SLC38A6: variants seen among roughly 807,000 people sequenced by gnomAD.
The protein encoded by SLC38A6 is N system amino acid transporter NAT-1.
Under a neutral mutation model 65.0 loss-of-function variants are expected in SLC38A6, and 73 were observed. That is an observed-to-expected ratio of 1.12 (90% confidence interval 0.93 to 1.37). The LOEUF (loss-of-function observed/expected upper bound fraction) is 1.37, where lower values mean the gene tolerates loss of function less well. SLC38A6 is among the 40% of genes most tolerant of loss of function. The pLI is 0.00. For missense variants in SLC38A6, 561 were observed against 531.1 expected, an observed-to-expected ratio of 1.06 and a Z score of -0.55; for synonymous variants, 183 against 178.8, an observed-to-expected ratio of 1.02 and a Z score of -0.19.
intron 5 of SLC38A6, among the ~76,000 whole-genome samples, chr14:61,024,175 G>A (rs2040491213): frequency 6.6e-6 from 1 of 152,056 alleles, no homozygotes; most frequent in Non-Finnish European, 1.5e-5. Flanking sequence ...CTCTAGTGTG[G>A]TCTGACAAAT....
At chr14:61,018,787 A>G (rs1169482968) in intron 4 of SLC38A6, among the ~76,000 whole-genome samples, 3 of 152,180 alleles carry the variant, frequency 2.0e-5, no homozygotes, top group African/African-American at 7.2e-5. Context: ...TTTTATTTTT[A>G]ACTGATTACC....
chr14:60,985,535 G>C (rs1156646333), intron 3 of SLC38A6, among the ~76,000 whole-genome samples: 1 of 152,000 alleles, frequency 6.6e-6, no homozygotes, highest in East Asian at 1.9e-4. Context: ...TTTTGTCTTT[G>C]GATTAGGTCA....
intron 5 of SLC38A6, among the ~76,000 whole-genome samples, chr14:61,020,399 G>C (rs1476608785): frequency 6.6e-6 from 1 of 152,092 alleles, no homozygotes; most frequent in Non-Finnish European, 1.5e-5. Context: ...TTTTTTACAT[G>C]TAACAGTTTA....
At chr14:61,024,117 C>T (rs537010973) in intron 5 of SLC38A6, among the ~76,000 whole-genome samples, 31 of 152,182 alleles carry the variant, frequency 2.0e-4, no homozygotes, top group African/African-American at 5.8e-4. Context: ...CACAGAAAAT[C>T]GTTTTTCTCC....
intron 2 of SLC38A6, among the ~76,000 whole-genome samples, chr14:60,983,637 T>G (rs936205869): frequency 7.2e-5 from 11 of 152,254 alleles, no homozygotes; most frequent in Non-Finnish European, 1.0e-4. Flanking sequence ...TTTATGTTTA[T>G]TTCCTGCTTT....
chr14:61,047,621 T>G (rs980946981), intron 12 of SLC38A6, among the ~76,000 whole-genome samples: 2 of 152,106 alleles, frequency 1.3e-5, no homozygotes, highest in Non-Finnish European at 2.9e-5. Context: ...AGGTGATCTT[T>G]TAGAAAAATA....
chr14:61,039,157 T>G (rs2041613283), intron 8 of SLC38A6, among the ~76,000 whole-genome samples: 1 of 152,212 alleles, frequency 6.6e-6, no homozygotes, highest in African/African-American at 2.4e-5. Flanking sequence ...TAGTTTTGTT[T>G]CTGTCATGAC....
At position 61,021,456 on chromosome 14, in the gene SLC38A6, A is replaced by G. The variant is rs139794549; in HGVS notation, c.403+1876A>G. ...GTTTTCTTATTCGGAGTACCCTTGT[A>G]ACTAAGCTGTGTGATAATGAGGATG... On this transcript the variant is annotated intron_variant, in intron 5 of 15. Coordinates refer to ENST00000267488, the MANE Select transcript of SLC38A6 (RefSeq NM_153811.3). 1.5e-4 allele frequency among the ~76,000 whole-genome samples: 23 copies of G among 152,260 alleles called. No individual in the cohort carries two copies. In the East Asian group the frequency reaches 4.4e-3, roughly 29 times the overall value.
intron 6 of SLC38A6, 75 bp from the exon 7 acceptor site, chr14:61,036,960 CTGTGTGTGTGTGTGTGTGTGTGTG>C (rs34977105): frequency 3.6e-4 from 156 of 438,362 alleles, no homozygotes; most frequent in Non-Finnish European, 5.9e-4. Flanking sequence ...GGTTATAACT[CTGTGTGTGTGTGTGTGTGTGTGTG>C]TGTGTGTGTG....
chr14:61,065,970 CTG>C lies in SLC38A6; in HGVS notation c.1291-12839_1291-12838del, dbSNP rs370154876. 4.3e-3 allele frequency among the ~76,000 whole-genome samples: 649 copies of C among 152,224 alleles called. 10 individuals carry two copies. Among genetic ancestry groups the C allele is most frequent in the African/African-American group, 0.014 (582 of 41,542 alleles). ...GATGCTAGAAACAGAGGGACTCAAA[CTG>C]AATTAATTTTAACCTGTTTTTCTTT... On this transcript the variant is annotated intron_variant, in intron 15 of 16. Coordinates refer to the SLC38A6 transcript ENST00000354886.
chr14:61,063,595 A>G (rs1256980182), intron 15 of SLC38A6, among the ~76,000 whole-genome samples: 2 of 152,200 alleles, frequency 1.3e-5, no homozygotes, highest in Non-Finnish European at 1.5e-5. Flanking sequence ...AATTGCATGC[A>G]AAGTGCCGGT....
At chr14:61,011,830 G>A (rs1001305928) in intron 3 of SLC38A6, among the ~76,000 whole-genome samples, 2 of 152,100 alleles carry the variant, frequency 1.3e-5, no homozygotes, top group Non-Finnish European at 2.9e-5. Context: ...CAGGGATATT[G>A]GTCTAAAATT....
At chr14:61,047,974 GATACATACATAC>G (rs201975441) in intron 12 of SLC38A6, among the ~76,000 whole-genome samples, 24,763 of 76,396 alleles carry the variant, frequency 0.32, 2,543 homozygotes, top group Middle Eastern at 0.43. Flanking sequence ...TAGATAGATA[GATACATACATAC>G]ATACATACAT....
chr14:60,994,787 T>G (rs2139735684), intron 3 of SLC38A6, among the ~76,000 whole-genome samples: 1 of 150,938 alleles, frequency 6.6e-6, no homozygotes, highest in African/African-American at 2.4e-5. Flanking sequence ...GCGGATCACC[T>G]GAGGTCAGGA....
At chr14:61,013,931 G>T (rs1008097049) in intron 3 of SLC38A6, among the ~76,000 whole-genome samples, 5 of 152,142 alleles carry the variant, frequency 3.3e-5, no homozygotes, top group Admixed American at 1.3e-4. Context: ...ATGTTGGCCT[G>T]CCTTGCTAGG....
In SLC38A6 at chr14:61,062,829, C is replaced by A. The variant is rs551746245; in HGVS notation, c.1290+10694C>A. Among the ~76,000 whole-genome samples the A allele has an allele frequency of 6.6e-5, 10 of 152,198 alleles. No homozygotes were observed. In the South Asian group the frequency reaches 2.1e-3, roughly 32 times the overall value. On this transcript the variant is annotated intron_variant, in intron 15 of 16. Transcript: ENST00000354886. ...CTGCATAGCTGGAATTACAGGCGCA[C>A]GCCACCACACCCAGCTAATTTTTGT...
downstream of SLC38A6, among the ~76,000 whole-genome samples, chr14:61,053,822 C>T (rs2042614288): frequency 6.6e-6 from 1 of 151,940 alleles, no homozygotes; most frequent in African/African-American, 2.4e-5. Flanking sequence ...CATATTTTCT[C>T]CTGTTCTGTA....
At chr14:60,987,119 G>T in intron 3 of SLC38A6, 1 of 348,368 alleles carries the variant, frequency 2.9e-6, no homozygotes, top group Non-Finnish European at 5.5e-6. Flanking sequence ...GTCTTCCGTT[G>T]ATTGAATTCC....
In SLC38A6 at chr14:61,013,777, A is replaced by T. The variant is rs557655451; in HGVS notation, c.311-2127A>T. On this transcript the variant is annotated intron_variant, in intron 3 of 15. Transcript: ENST00000267488. Reference sequence around the variant, plus strand: ...CAGCTGTTAGTCTGATGGGCTTCCCATTGTGGGTAACCCGACTTTCTCTCT... The same window carrying T: ...CAGCTGTTAGTCTGATGGGCTTCCCTTTGTGGGTAACCCGACTTTCTCTCT... 8.5e-5 allele frequency among the ~76,000 whole-genome samples: 13 copies of T among 152,234 alleles called. No homozygotes were observed. In the East Asian group the frequency reaches 1.5e-3, roughly 18 times the overall value.
Sources: allele counts gnomAD v4.1 joint callset (sites outside exome capture counted in the v4.1 genomes callset), GRCh38; gene constraint gnomAD v4.1.1; transcripts MANE v1.5; gene names NCBI Gene and HGNC (gene_info 2026-07-23, HGNC 2026-07-21).